The following RAB5C variants were observed in gnomAD, a reference collection of about 807,000 sequenced individuals.
RAB5C encodes the protein ras-related protein Rab-5C.
A neutral mutation model predicts 25.2 loss-of-function variants in RAB5C; 4 were observed. The ratio of observed to expected loss-of-function variants is 0.16; its 90% confidence interval spans 0.08 to 0.36. The LOEUF (loss-of-function observed/expected upper bound fraction) is 0.36. Among genes scored for constraint, RAB5C ranks in the 10% least tolerant of loss-of-function variants. RAB5C has a pLI of 1.00. For missense variants in RAB5C, 199 were observed against 283.8 expected (o/e 0.70, Z 2.15); for synonymous variants, 100 against 106.4 (o/e 0.94, Z 0.37).
intron 1 of RAB5C, among the ~76,000 whole-genome samples, chr17:42,153,401 A>G (rs1292619533): frequency 6.6e-6 from 1 of 152,188 alleles, no homozygotes; most frequent in African/African-American, 2.4e-5. Flanking sequence ...TGGGCGACAG[A>G]GCAAGACTCC....
At chr17:42,147,168 G>GAGAGAGAA (rs2079643116) in intron 1 of RAB5C, among the ~76,000 whole-genome samples, 1 of 145,696 alleles carries the variant, frequency 6.9e-6, no homozygotes, top group African/African-American at 2.5e-5. Flanking sequence ...GAGAGAGAGA[G>GAGAGAGAA]AGAAAGAAAG....
At chr17:42,128,138 C>G (rs2054446823) in intron 4 of RAB5C, 123 bp downstream of exon 4, 3 of 1,386,212 alleles carry the variant, frequency 2.2e-6, no homozygotes, top group Non-Finnish European at 9.7e-7. Context: ...CACGAGAGGA[C>G]AGCAGATGGA....
At chr17:42,150,414 C>T (rs990020689) in intron 1 of RAB5C, among the ~76,000 whole-genome samples, 4 of 150,564 alleles carry the variant, frequency 2.7e-5, no homozygotes, top group Admixed American at 2.0e-4. Context: ...CATGGTGGCA[C>T]ACGCCTATAA....
chr17:42,128,228 C>T, intron 4 of RAB5C, 33 bp downstream of exon 4: 2 of 1,605,094 alleles, frequency 1.2e-6, no homozygotes, highest in Non-Finnish European at 1.7e-6. Flanking sequence ...GCTGCTTACT[C>T]CACTCCTTCC....
intron 1 of RAB5C, among the ~76,000 whole-genome samples, chr17:42,147,140 AAGAAAGAGAGAGAGAGAG>A (rs1197153398): frequency 1.7e-4 from 25 of 149,030 alleles, no homozygotes; most frequent in African/African-American, 6.3e-4. Flanking sequence ...GAAAGAAAGA[AAGAAAGAGAGAGAGAGAG>A]AGAGAGAGAG....
chr17:42,141,438 G>C (rs960808703), intron 1 of RAB5C, among the ~76,000 whole-genome samples: 1 of 152,228 alleles, frequency 6.6e-6, no homozygotes, highest in South Asian at 2.1e-4. Flanking sequence ...CATAGTAGGT[G>C]AGCACAGATA....
rs199902477 is a variant in RAB5C, at chr17:42,130,508, G to C, written c.-6C>G. 2.5e-6 allele frequency: 4 copies of C among 1,613,830 alleles called. No individual in the cohort carries two copies. Among genetic ancestry groups the C allele is most frequent in the Non-Finnish European group, 3.4e-6 (4 of 1,180,012 alleles). On this transcript the variant is annotated 5_prime_UTR_variant, in exon 2 of 6. Transcript: ENST00000346213. ...GCGCCTCCCCGACCCGCCATTGCCC[G>C]TCCAGCTGTAGTGGTCCAGAGAGCG...
intron 1 of RAB5C, chr17:42,131,706 G>C: frequency 1.7e-6 from 2 of 1,191,192 alleles, no homozygotes; most frequent in Admixed American, 4.1e-5. Flanking sequence ...CCCAACAGCT[G>C]GTGTTCCAGT....
intron 1 of RAB5C, among the ~76,000 whole-genome samples, chr17:42,143,278 A>G (rs895598383): frequency 2.0e-5 from 3 of 152,230 alleles, no homozygotes; most frequent in Admixed American, 6.5e-5. Context: ...GAGAGAAAAC[A>G]TTTGCTAAAA....
intron 1 of RAB5C, chr17:42,131,551 G>C (rs2054486374): frequency 1.4e-6 from 2 of 1,479,352 alleles, no homozygotes; most frequent in Non-Finnish European, 9.1e-7. Context: ...ACACACCAAA[G>C]TCATAGCTCT....
At chr17:42,129,811 C>T (rs1182229467) in intron 2 of RAB5C, among the ~76,000 whole-genome samples, 2 of 152,232 alleles carry the variant, frequency 1.3e-5, no homozygotes, top group East Asian at 3.8e-4. Context: ...GCCACGGAGG[C>T]AAGAGGCCGA....
intron 1 of RAB5C, among the ~76,000 whole-genome samples, chr17:42,146,515 C>T (rs1318110420): frequency 6.6e-6 from 1 of 152,166 alleles, no homozygotes; most frequent in Non-Finnish European, 1.5e-5. Context: ...CTTTCAGAGG[C>T]CAAGGCAGGC....
At chr17:42,139,792 C>T (rs1474579433) in intron 1 of RAB5C, among the ~76,000 whole-genome samples, 1 of 152,174 alleles carries the variant, frequency 6.6e-6, no homozygotes, top group African/African-American at 2.4e-5. Context: ...CAGCCCAGAA[C>T]CACACACACG....
chr17:42,127,245 T>C (rs1490354754), intron 4 of RAB5C, among the ~76,000 whole-genome samples: 2 of 152,210 alleles, frequency 1.3e-5, no homozygotes, highest in Admixed American at 1.3e-4. Context: ...TAAAAAATTA[T>C]CATATACAGT....
chr17:42,131,005 G>C (rs2054479947), intron 1 of RAB5C, among the ~76,000 whole-genome samples: 1 of 152,118 alleles, frequency 6.6e-6, no homozygotes, highest in South Asian at 2.1e-4. Flanking sequence ...AAGACACTAG[G>C]ATTTAGATCA....
intron 1 of RAB5C, among the ~76,000 whole-genome samples, chr17:42,137,305 CAAAA>C (rs987824553): frequency 2.8e-5 from 3 of 105,264 alleles, no homozygotes; most frequent in Non-Finnish European, 3.9e-5. Flanking sequence ...GACACTGTCT[CAAAA>C]AAAAGAAAAA....
At chr17:42,148,444 G>A (rs866283323) in intron 1 of RAB5C, among the ~76,000 whole-genome samples, 1 of 149,700 alleles carries the variant, frequency 6.7e-6, no homozygotes, top group Middle Eastern at 3.4e-3. Flanking sequence ...GCAGGTGTTT[G>A]GTGTTTGCTT....
rs187972504 is a variant in RAB5C, at chr17:42,130,537, G to A, written c.-35C>T. Reference sequence around the variant, plus strand: ...AGCTGTAGTGGTCCAGAGAGCGTGCGGGTGGGGACTGGTGCTATGCAAAGA... The same window carrying A: ...AGCTGTAGTGGTCCAGAGAGCGTGCAGGTGGGGACTGGTGCTATGCAAAGA... On this transcript the variant is annotated 5_prime_UTR_variant, in exon 2 of 6. Coordinates refer to ENST00000346213, the MANE Select transcript of RAB5C (RefSeq NM_004583.4). 1.4e-3 allele frequency: 2,336 copies of A among 1,611,984 alleles called. 5 individuals carry two copies. The highest frequency in any genetic ancestry group is 1.6e-3 in the Non-Finnish European group (1,884 of 1,179,342).
chr17:42,151,153 C>G (rs1462259502), intron 1 of RAB5C, among the ~76,000 whole-genome samples: 1 of 152,014 alleles, frequency 6.6e-6, no homozygotes, highest in East Asian at 1.9e-4. Flanking sequence ...AGTAGAAGGT[C>G]TGGCCAGGCG....
Sources: gnomAD v4.1 joint callset for allele counts (sites outside exome capture counted in the v4.1 genomes callset) on GRCh38, gnomAD v4.1.1 for gene constraint, MANE v1.5 for transcripts, NCBI Gene and HGNC (gene_info 2026-07-23, HGNC 2026-07-21) for gene names.